Variants in NXPH1 observed in about 807,000 individuals in gnomAD.
NXPH1 encodes neurexophilin-1.
In NXPH1, 5 loss-of-function variants were observed where a neutral mutation model predicts 23.7. That is an observed-to-expected ratio of 0.21 (90% CI 0.11 to 0.44). The LOEUF (loss-of-function observed/expected upper bound fraction) is 0.44, where lower values mean the gene tolerates loss of function less well. NXPH1 is among the 20% of genes least tolerant of loss of function. The pLI, the probability that NXPH1 is intolerant of heterozygous loss-of-function variation, is 0.99. For synonymous variants in NXPH1, 144 were observed against 122.2 expected (o/e 1.18, Z -1.18); for missense variants, 324 against 321.6 (o/e 1.01, Z -0.06).
At chr7:8,604,564 A>G (rs895035297) in intron 2 of NXPH1, among the ~76,000 whole-genome samples, 11 of 152,166 alleles carry the variant, frequency 7.2e-5, no homozygotes, top group African/African-American at 2.7e-4. Context: ...TGAAGTGAAC[A>G]ATATAAAAAA....
At chr7:8,528,882 G>T (rs1006499092) in intron 2 of NXPH1, among the ~76,000 whole-genome samples, 2 of 152,304 alleles carry the variant, frequency 1.3e-5, no homozygotes. Flanking sequence ...ACACATATTT[G>T]TTATTTCAGT....
At chr7:8,516,366 G>A (rs1010518697) in intron 2 of NXPH1, among the ~76,000 whole-genome samples, 2 of 152,102 alleles carry the variant, frequency 1.3e-5, no homozygotes, top group Admixed American at 6.6e-5. Context: ...CAATCAATAA[G>A]AAACCAGTTA....
chr7:8,621,590 C>T (rs527315990), intron 2 of NXPH1, among the ~76,000 whole-genome samples: 2 of 151,484 alleles, frequency 1.3e-5, no homozygotes, highest in East Asian at 3.9e-4. Context: ...TGGGTTCAAG[C>T]GATTCTCTTG....
intron 2 of NXPH1, among the ~76,000 whole-genome samples, chr7:8,572,833 C>T (rs939020829): frequency 2.6e-5 from 4 of 151,288 alleles, no homozygotes; most frequent in African/African-American, 4.9e-5. Context: ...TATTATGAGG[C>T]CACAGAGAAA....
At chr7:8,561,378 A>ACACACACACACACACC (rs1818441877) in intron 2 of NXPH1, among the ~76,000 whole-genome samples, 1 of 150,712 alleles carries the variant, frequency 6.6e-6, no homozygotes, top group Non-Finnish European at 1.5e-5. Context: ...ACACACACAC[A>ACACACACACACACACC]CACACCTCTC....
At chr7:8,528,042 G>T (rs1344810444) in intron 2 of NXPH1, among the ~76,000 whole-genome samples, 3 of 152,164 alleles carry the variant, frequency 2.0e-5, no homozygotes, top group African/African-American at 7.2e-5. Context: ...AAACTCATAC[G>T]GGTGGTTCTT....
At position 8,484,070 on chromosome 7, in the gene NXPH1, T is replaced by C. The variant is rs1224157264; in HGVS notation, c.54+48303T>C. Among the ~76,000 whole-genome samples the C allele has an allele frequency of 4.0e-5, 6 of 151,820 alleles. No homozygotes were observed. The East Asian group carries it at 9.7e-4, about 25-fold the overall frequency. ...CTTCAGTAAGCCTTGAATCTTCATATGCTCTGCATGCAACAAACCAACAAA... is the reference window on the plus strand; with the variant it reads ...CTTCAGTAAGCCTTGAATCTTCATACGCTCTGCATGCAACAAACCAACAAA... On this transcript the variant is annotated intron_variant, in intron 2 of 2. Transcript: ENST00000405863.
Position 8,651,536 on chromosome 7 carries a change from G to A in NXPH1, c.55-99472G>A, listed in dbSNP as rs952108205. 2.3e-3 allele frequency among the ~76,000 whole-genome samples: 347 copies of A among 151,826 alleles called. 1 individual carries two copies. Among genetic ancestry groups the A allele is most frequent in the Non-Finnish European group, 4.3e-3 (292 of 67,956 alleles). ...GGTATTTCTAGTTCTAGATCCCTGA[G>A]GAATCACCACACTGACTTCCACAAT... On this transcript the variant is annotated intron_variant, in intron 2 of 2. Coordinates refer to ENST00000405863, the MANE Select transcript of NXPH1 (RefSeq NM_152745.3).
Position 8,637,733 on chromosome 7 carries a change from C to T in NXPH1, c.55-113275C>T, listed in dbSNP as rs1046749150. Reference sequence around the variant, plus strand: ...TGTGCAATGAACTCACAATACAATACATGCTCTTCAGCTTCATTGAATTTG... The same window carrying T: ...TGTGCAATGAACTCACAATACAATATATGCTCTTCAGCTTCATTGAATTTG... On this transcript the variant is annotated intron_variant, in intron 2 of 2. Transcript: ENST00000405863. 4.6e-5 allele frequency among the ~76,000 whole-genome samples: 7 copies of T among 152,200 alleles called. No homozygotes were observed. The East Asian group carries it at 9.6e-4, about 21-fold the overall frequency.
intron 2 of NXPH1, among the ~76,000 whole-genome samples, chr7:8,730,688 C>T (rs1165300335): frequency 2.2e-4 from 33 of 152,230 alleles, no homozygotes; most frequent in African/African-American, 6.0e-4. Context: ...TTCTGGCTTG[C>T]GGAGTTTCTG....
chr7:8,438,768 G>A (rs899273294), intron 2 of NXPH1, among the ~76,000 whole-genome samples: 2 of 152,208 alleles, frequency 1.3e-5, no homozygotes, highest in African/African-American at 2.4e-5. Context: ...CTGTATTTGG[G>A]TGAATGTTTG....
intron 2 of NXPH1, among the ~76,000 whole-genome samples, chr7:8,674,116 G>C (rs1820912075): frequency 6.6e-6 from 1 of 150,550 alleles, no homozygotes; most frequent in Admixed American, 6.6e-5. Flanking sequence ...TTTATTTTTT[G>C]TAAGGTACAT....
At chr7:8,637,609 C>T (rs1007031867) in intron 2 of NXPH1, among the ~76,000 whole-genome samples, 1 of 152,140 alleles carries the variant, frequency 6.6e-6, no homozygotes, top group East Asian at 1.9e-4. Flanking sequence ...TAATTGGCCA[C>T]ACTAACAGCT....
chr7:8,726,857 G>T (rs1029850518), intron 2 of NXPH1, among the ~76,000 whole-genome samples: 2 of 151,918 alleles, frequency 1.3e-5, no homozygotes, highest in African/African-American at 4.8e-5. Context: ...ACCCAGTAAT[G>T]GGATGGCTGG....
At chr7:8,509,057 C>CAT (rs1817573080) in intron 2 of NXPH1, among the ~76,000 whole-genome samples, 1 of 152,014 alleles carries the variant, frequency 6.6e-6, no homozygotes, top group Admixed American at 6.6e-5. Context: ...CTGAAGGAGG[C>CAT]ATGAAGCACC....
At chr7:8,695,184 T>G (rs928689469) in intron 2 of NXPH1, among the ~76,000 whole-genome samples, 1 of 152,236 alleles carries the variant, frequency 6.6e-6, no homozygotes, top group African/African-American at 2.4e-5. Flanking sequence ...TACATTGTGC[T>G]GTAATAATAT....
At chr7:8,453,234 C>T (rs1261403023) in intron 2 of NXPH1, among the ~76,000 whole-genome samples, 4 of 152,114 alleles carry the variant, frequency 2.6e-5, no homozygotes, top group Non-Finnish European at 5.9e-5. Flanking sequence ...TCATCATAAA[C>T]GTATTACCCT....
intron 2 of NXPH1, among the ~76,000 whole-genome samples, chr7:8,595,271 T>C (rs1167310209): frequency 6.6e-6 from 1 of 151,974 alleles, no homozygotes; most frequent in Non-Finnish European, 1.5e-5. Context: ...AACCCCAGTA[T>C]AAGAAAATAT....
chr7:8,752,007 T>C lies in NXPH1; in HGVS notation c.*238T>C, dbSNP rs1780573382. The C allele has an allele frequency of 2.1e-6, 1 of 486,662 alleles. No homozygotes were observed. Among genetic ancestry groups the C allele is most frequent in the South Asian group, 3.0e-5 (1 of 33,378 alleles). The allele number at this position is 486,662 out of a possible 1,614,324, so 30.1% of individuals were successfully genotyped here. A position where few individuals can be genotyped will look rare whatever the true frequency, so the allele number is the denominator to read the frequency against. ...TTTGAATTCACACCTGAAGACATGC[T>C]CTCACATATAGAGGTACACAAACAC... is the stretch of plus-strand genomic sequence containing the variant. On this transcript the variant is annotated 3_prime_UTR_variant, in exon 3 of 3. Transcript: ENST00000405863.
Sources: gnomAD v4.1 joint callset for allele counts (sites outside exome capture counted in the v4.1 genomes callset) on GRCh38, gnomAD v4.1.1 for gene constraint, MANE v1.5 for transcripts, NCBI Gene and HGNC (gene_info 2026-07-23, HGNC 2026-07-21) for gene names.